SELENOF: variants seen among roughly 807,000 people sequenced by gnomAD.
SELENOF encodes 15 kDa selenoprotein.
In SELENOF, 16 loss-of-function variants were observed where a neutral mutation model predicts 20.5. That is an observed-to-expected ratio of 0.78 (90% CI 0.53 to 1.19). SELENOF has a LOEUF of 1.19. Ranked by LOEUF, SELENOF falls within the 50% of genes most tolerant of loss-of-function variation. The pLI, the probability that SELENOF is intolerant of heterozygous loss-of-function variation, is 0.00. For missense variants in SELENOF, 215 were observed against 194.2 expected (o/e 1.11, Z -0.64); for synonymous variants, 78 against 74.5 (o/e 1.05, Z -0.24).
At chr1:86,904,887 A>G (rs1263246292) in intron 1 of SELENOF, among the ~76,000 whole-genome samples, 1 of 152,066 alleles carries the variant, frequency 6.6e-6, no homozygotes, top group Non-Finnish European at 1.5e-5. Flanking sequence ...TTAGCTTTAC[A>G]TGCCTTCTAT....
At chr1:86,873,980 C>T (rs1026532129) in intron 3 of SELENOF, among the ~76,000 whole-genome samples, 1 of 151,916 alleles carries the variant, frequency 6.6e-6, no homozygotes, top group African/African-American at 2.4e-5. Context: ...GCGTTTCTCT[C>T]AATTTTCTTC....
intron 4 of SELENOF, among the ~76,000 whole-genome samples, chr1:86,867,293 C>T (rs1317620317): frequency 6.6e-6 from 1 of 151,994 alleles, no homozygotes; most frequent in East Asian, 1.9e-4. Context: ...GAGTTTGAGA[C>T]CAGCCTGACC....
At chr1:86,883,313 C>T (rs555019975) in intron 2 of SELENOF, among the ~76,000 whole-genome samples, 1 of 152,182 alleles carries the variant, frequency 6.6e-6, no homozygotes, top group South Asian at 2.1e-4. Flanking sequence ...GTTATTGTTT[C>T]ATGGGTGTAA....
intron 4 of SELENOF, among the ~76,000 whole-genome samples, chr1:86,867,821 A>T (rs531506671): frequency 2.8e-4 from 43 of 152,064 alleles, no homozygotes; most frequent in African/African-American, 1.0e-3. Flanking sequence ...GCCAGGGAGT[A>T]TATGGGAATA....
chr1:86,890,773 T>C (rs1659362363), intron 2 of SELENOF, among the ~76,000 whole-genome samples: 2 of 151,954 alleles, frequency 1.3e-5, no homozygotes, highest in Admixed American at 1.3e-4. Flanking sequence ...TCCAAAGTGT[T>C]GGATGGGATT....
At position 86,903,334 on chromosome 1, in the gene SELENOF, C is replaced by T; in HGVS notation, c.199G>A (p.Asp67Asn). ...TGACAGCATCCTCTGCAATCAGGAT[C>T]CAGCTGAAGCAGGTTGAACTGTCCG... ...LLGQFNLLQL[D>N]PDCRGCCQEE... The change falls in exon 2 of 5, where the codon GAT becomes AAT. Residue 67 changes from aspartate to asparagine, a missense_variant. By Grantham distance (23) the Asp-to-Asn change is conservative (BLOSUM62 1). Coordinates refer to ENST00000331835, the MANE Select transcript of SELENOF (RefSeq NM_004261.5). 1 of 1,612,076 alleles carries T rather than the reference C, an allele frequency of 6.2e-7. No homozygotes were observed. Among genetic ancestry groups the T allele is most frequent in the Non-Finnish European group, 8.5e-7 (1 of 1,179,054 alleles).
chr1:86,887,179 A>C, intron 2 of SELENOF: 1 of 1,543,206 alleles, frequency 6.5e-7, no homozygotes, highest in Non-Finnish European at 8.7e-7. Context: ...ATTCTTGCTT[A>C]GAAACAATGG....
In SELENOF at chr1:86,914,108, C is replaced by A. The variant is rs775379001; in HGVS notation, c.4G>T (p.Val2Leu). 1 of 1,613,870 alleles carries A rather than the reference C, an allele frequency of 6.2e-7. No individual in the cohort carries two copies. Among genetic ancestry groups the A allele is most frequent in the Non-Finnish European group, 8.5e-7 (1 of 1,179,902 alleles). MVAMAAGPSGCL... is the reference protein window; with the variant it reads MLAMAAGPSGCL... ...CCACTCGGCCCAGCCGCCATCGCTA[C>A]CATTTTCCGCAGGTTTCTGGCTGCC... is the stretch of plus-strand genomic sequence containing the variant. Residue 2 changes from valine to leucine, a missense_variant, in exon 1 of 5, where the codon GTA (valine) becomes TTA (leucine). Transcript: ENST00000331835.
At chr1:86,864,961 A>AT (rs60379546) in intron 4 of SELENOF, among the ~76,000 whole-genome samples, 21,823 of 151,296 alleles carry the variant, frequency 0.14, 1,660 homozygotes, top group Non-Finnish European at 0.17. Flanking sequence ...TAAGTTAAGG[A>AT]TTTTTTTTTC....
chr1:86,912,140 G>A (rs1660001207), intron 1 of SELENOF, among the ~76,000 whole-genome samples: 1 of 152,142 alleles, frequency 6.6e-6, no homozygotes, highest in East Asian at 1.9e-4. Context: ...TCTGAATACA[G>A]CCAGGGATAA....
intron 2 of SELENOF, among the ~76,000 whole-genome samples, chr1:86,889,455 G>C (rs957045875): frequency 6.6e-6 from 1 of 152,074 alleles, no homozygotes; most frequent in South Asian, 2.1e-4. Flanking sequence ...TCAGCTGGGT[G>C]TGGTGGCACA....
rs377379096 is a variant in SELENOF, at chr1:86,877,800, C to T, written c.316+2862G>A. Among the ~76,000 whole-genome samples, 78 of 152,244 alleles carry T rather than the reference C, an allele frequency of 5.1e-4. No homozygotes were observed. The East Asian group carries it at 8.1e-3, about 16-fold the overall frequency. ...CTACAGGAACACAGTGACGTGCATT[C>T]GTTTAAGAACTGTCTATGGCTGCTT... On this transcript the variant is annotated intron_variant, in intron 3 of 4. Coordinates refer to ENST00000331835, the MANE Select transcript of SELENOF (RefSeq NM_004261.5).
chr1:86,907,872 G>C (rs1416856233), intron 1 of SELENOF, among the ~76,000 whole-genome samples: 2 of 151,918 alleles, frequency 1.3e-5, no homozygotes, highest in Non-Finnish European at 2.9e-5. Context: ...TGTAATCTGA[G>C]TTACTCAGGA....
intron 2 of SELENOF, among the ~76,000 whole-genome samples, chr1:86,899,976 C>G (rs1030527883): frequency 1.3e-5 from 2 of 151,486 alleles, no homozygotes; most frequent in African/African-American, 4.8e-5. Flanking sequence ...GTGCTCCCCA[C>G]ATCTCAGACG....
At chr1:86,869,512 AAT>A (rs1658699216) in intron 3 of SELENOF, among the ~76,000 whole-genome samples, 1 of 152,166 alleles carries the variant, frequency 6.6e-6, no homozygotes, top group Non-Finnish European at 1.5e-5. Context: ...CAAATCTTAA[AAT>A]ATATAAAGTG....
intron 4 of SELENOF, among the ~76,000 whole-genome samples, chr1:86,866,750 A>T (rs1658609038): frequency 6.6e-6 from 1 of 152,216 alleles, no homozygotes; most frequent in South Asian, 2.1e-4. Flanking sequence ...TAAAATAACA[A>T]TGAAATATCA....
intron 1 of SELENOF, among the ~76,000 whole-genome samples, chr1:86,912,244 G>C (rs1434399714): frequency 6.6e-6 from 1 of 152,122 alleles, no homozygotes; most frequent in African/African-American, 2.4e-5. Flanking sequence ...GAGATACTTA[G>C]GAATTAAAAT....
intron 2 of SELENOF, chr1:86,887,279 G>T (rs1659244996): frequency 7.0e-7 from 1 of 1,421,564 alleles, no homozygotes; most frequent in South Asian, 1.5e-5. Context: ...CTATATCTGA[G>T]ATTAAATTAC....
intron 2 of SELENOF, among the ~76,000 whole-genome samples, chr1:86,887,475 C>G (rs1417761976): frequency 1.3e-5 from 2 of 152,016 alleles, no homozygotes; most frequent in Non-Finnish European, 2.9e-5. Flanking sequence ...TAACATCTAC[C>G]TTGATTTAAA....
Sources: allele counts gnomAD v4.1 joint callset (sites outside exome capture counted in the v4.1 genomes callset), GRCh38; gene constraint gnomAD v4.1.1; transcripts MANE v1.5; gene names NCBI Gene and HGNC (gene_info 2026-07-23, HGNC 2026-07-21).